FGF12: variants seen among roughly 807,000 people sequenced by gnomAD.
The protein encoded by FGF12 is fibroblast growth factor 12B.
Under a neutral mutation model 23.6 loss-of-function variants are expected in FGF12, and 14 were observed. That is an observed-to-expected ratio of 0.59 (90% CI 0.39 to 0.93). FGF12 has a LOEUF of 0.93. FGF12 is among the 40% of genes least tolerant of loss of function. FGF12 has a pLI of 0.00. For missense variants in FGF12, 175 were observed against 217.8 expected, an observed-to-expected ratio of 0.80 and a Z score of 1.24; for synonymous variants, 62 against 77.3, an observed-to-expected ratio of 0.80 and a Z score of 1.04.
At position 192,420,045 on chromosome 3, in the gene FGF12, T is replaced by C. The variant is rs76852516; in HGVS notation, c.14-59507A>G. 8.6e-4 allele frequency among the ~76,000 whole-genome samples: 131 copies of C among 152,290 alleles called. No homozygotes were observed. The East Asian group carries it at 0.024, about 28-fold the overall frequency. ...TGGAAAGGCCAGGGTAAAAAGCTAC[T>C]AGGTTGTTCGTCAAAACTACAGTGG... On this transcript the variant is annotated intron_variant, in intron 2 of 5. Coordinates refer to ENST00000445105, the MANE Select transcript of FGF12 (RefSeq NM_004113.6).
intron 2 of FGF12, among the ~76,000 whole-genome samples, chr3:192,425,204 T>C (rs1721655826): frequency 6.6e-6 from 1 of 152,166 alleles, no homozygotes; most frequent in Middle Eastern, 3.2e-3. Flanking sequence ...ATAATTTCTC[T>C]CCTTAGAACG....
At chr3:192,640,460 A>T (rs1193598773) in intron 2 of FGF12, among the ~76,000 whole-genome samples, 1 of 152,228 alleles carries the variant, frequency 6.6e-6, no homozygotes, top group Non-Finnish European at 1.5e-5. Flanking sequence ...ATAAGTAAAG[A>T]TGAACTCCAA....
intron 4 of FGF12, among the ~76,000 whole-genome samples, chr3:192,281,907 C>G (rs759271245): frequency 2.6e-5 from 4 of 152,086 alleles, no homozygotes; most frequent in African/African-American, 9.7e-5. Context: ...ATGAAAATGT[C>G]TACTTGGAGA....
At chr3:192,452,687 C>T (rs1439218766) in intron 2 of FGF12, among the ~76,000 whole-genome samples, 2 of 152,170 alleles carry the variant, frequency 1.3e-5, no homozygotes, top group East Asian at 3.8e-4. Context: ...TTGTTCAGTG[C>T]ACAGCCTATG....
intron 4 of FGF12, among the ~76,000 whole-genome samples, chr3:192,323,486 T>G (rs1716652752): frequency 6.6e-6 from 1 of 152,182 alleles, no homozygotes; most frequent in Non-Finnish European, 1.5e-5. Context: ...CATATGTTCT[T>G]ATTTGCAGGA....
At chr3:192,701,787 C>A (rs1718306359) in intron 2 of FGF12, among the ~76,000 whole-genome samples, 1 of 152,080 alleles carries the variant, frequency 6.6e-6, no homozygotes, top group Non-Finnish European at 1.5e-5. Context: ...TTAAAGTATA[C>A]AACATGATGT....
At chr3:192,159,066 G>GTCA (rs1560172140) in intron 5 of FGF12, among the ~76,000 whole-genome samples, 3 of 152,062 alleles carry the variant, frequency 2.0e-5, no homozygotes, top group Non-Finnish European at 2.9e-5. Context: ...CCATGTAACT[G>GTCA]TCATGTTTCT....
chr3:192,555,883 C>A (rs1007363406), intron 2 of FGF12, among the ~76,000 whole-genome samples: 2 of 151,676 alleles, frequency 1.3e-5, no homozygotes, highest in Admixed American at 1.3e-4. Flanking sequence ...GCACTGATAC[C>A]ATGGGGAGGA....
At chr3:192,438,288 C>T (rs1185422845) in intron 2 of FGF12, among the ~76,000 whole-genome samples, 1 of 152,220 alleles carries the variant, frequency 6.6e-6, no homozygotes, top group African/African-American at 2.4e-5. Context: ...ACCCTCTACT[C>T]TTACCTCTCA....
chr3:192,404,478 T>G (rs1720884592), intron 2 of FGF12, among the ~76,000 whole-genome samples: 1 of 152,178 alleles, frequency 6.6e-6, no homozygotes. Flanking sequence ...AAAATAAAGC[T>G]AAAGGTTGGA....
chr3:192,214,441 A>C (rs1718090200), intron 4 of FGF12, among the ~76,000 whole-genome samples: 1 of 152,170 alleles, frequency 6.6e-6, no homozygotes, highest in South Asian at 2.1e-4. Context: ...GGTACTGTCA[A>C]ATATTTTTGC....
At chr3:192,350,296 G>A (rs1013679181) in intron 3 of FGF12, among the ~76,000 whole-genome samples, 1 of 152,106 alleles carries the variant, frequency 6.6e-6, no homozygotes, top group Non-Finnish European at 1.5e-5. Flanking sequence ...AAGACAAAAG[G>A]CTTTTAGAGG....
At chr3:192,687,971 G>C (rs539389750) in intron 2 of FGF12, among the ~76,000 whole-genome samples, 1 of 151,828 alleles carries the variant, frequency 6.6e-6, no homozygotes. Context: ...CCACACACAT[G>C]CCTTCAGCCA....
At chr3:192,222,653 T>C (rs1718535888) in intron 4 of FGF12, among the ~76,000 whole-genome samples, 1 of 152,112 alleles carries the variant, frequency 6.6e-6, no homozygotes, top group African/African-American at 2.4e-5. Context: ...TATCAATACA[T>C]GATACTTTTA....
intron 2 of FGF12, among the ~76,000 whole-genome samples, chr3:192,606,710 T>C (rs1312705929): frequency 6.6e-6 from 1 of 152,084 alleles, no homozygotes; most frequent in African/African-American, 2.4e-5. Context: ...CTTAAGGGGT[T>C]AAGTAAGCTG....
intron 4 of FGF12, among the ~76,000 whole-genome samples, chr3:192,269,223 C>T (rs1713274519): frequency 6.6e-6 from 1 of 152,066 alleles, no homozygotes; most frequent in African/African-American, 2.4e-5. Context: ...CTTGGCCCTA[C>T]TAAGACATTT....
chr3:192,346,224 C>G (rs1195181538), intron 3 of FGF12, among the ~76,000 whole-genome samples: 1 of 152,120 alleles, frequency 6.6e-6, no homozygotes, highest in East Asian at 1.9e-4. Flanking sequence ...ATAAAGCTTA[C>G]ACTCCCTTAA....
At chr3:192,265,547 G>A (rs994116916) in intron 4 of FGF12, 1 of 152,154 alleles carries the variant, frequency 6.6e-6, no homozygotes, top group African/African-American at 2.4e-5. Context: ...GCAAAGAACA[G>A]TTTTAACATT....
At chr3:192,258,784 T>A (rs1485443888) in intron 4 of FGF12, among the ~76,000 whole-genome samples, 2 of 152,158 alleles carry the variant, frequency 1.3e-5, no homozygotes, top group East Asian at 3.9e-4. Context: ...ATGTTCCACA[T>A]AAAGAGAAAG....
Sources: gnomAD v4.1 joint callset for allele counts (sites outside exome capture counted in the v4.1 genomes callset) on GRCh38, gnomAD v4.1.1 for gene constraint, MANE v1.5 for transcripts, NCBI Gene and HGNC (gene_info 2026-07-23, HGNC 2026-07-21) for gene names.